DMD: variants seen among roughly 807,000 people sequenced by gnomAD.
The protein encoded by DMD is mutant dystrophin.
Under a neutral mutation model 330.1 loss-of-function variants are expected in DMD, and 63 were observed. The ratio of observed to expected loss-of-function variants is 0.19; its 90% confidence interval spans 0.16 to 0.24. DMD has a LOEUF of 0.24. Among genes scored for constraint, DMD ranks in the 10% least tolerant of loss-of-function variants. DMD has a pLI of 1.00. For synonymous variants in DMD, 1,223 were observed against 959.8 expected (o/e 1.27, Z -5.07); for missense variants, 3,344 against 2,684.1 (o/e 1.25, Z -5.43).
chrX:33,219,631 T>A (rs908395217), intron 1 of DMD, among the ~76,000 whole-genome samples: 1 of 110,829 alleles, frequency 9.0e-6, no homozygotes, highest in African/African-American at 3.3e-5. Flanking sequence ...TCAAAACTAA[T>A]TTGCCTGTGT....
At chrX:32,430,553 T>C (rs1196645679) in intron 29 of DMD, among the ~76,000 whole-genome samples, 1 of 111,924 alleles carries the variant, frequency 8.9e-6, no homozygotes, top group Non-Finnish European at 1.9e-5. Flanking sequence ...CTAATATTAT[T>C]ATTATTCTGT....
intron 55 of DMD, among the ~76,000 whole-genome samples, chrX:31,619,884 C>T (rs750127255): frequency 9.0e-6 from 1 of 111,576 alleles, no homozygotes; most frequent in South Asian, 3.8e-4. Context: ...CACTTAAAAT[C>T]AAATAGCTAA....
intron 17 of DMD, among the ~76,000 whole-genome samples, 169 bp from the exon 18 acceptor site, chrX:32,518,300 T>A (rs1299609741): frequency 1.8e-5 from 2 of 111,109 alleles, no homozygotes; most frequent in Non-Finnish European, 3.8e-5. Flanking sequence ...AGACTCAAAT[T>A]TGGAGTCAGC....
intron 43 of DMD, among the ~76,000 whole-genome samples, chrX:32,225,849 T>C (rs911130737): frequency 1.9e-4 from 21 of 110,889 alleles, no homozygotes; most frequent in Non-Finnish European, 3.2e-4. Flanking sequence ...CTGTAGAGCC[T>C]GCAGAATCGT....
At chrX:31,673,277 C>T in intron 53 of DMD, among the ~76,000 whole-genome samples, 1 of 112,063 alleles carries the variant, frequency 8.9e-6, no homozygotes, top group Non-Finnish European at 1.9e-5. Context: ...GTCAGCATTT[C>T]AAAAATTGTT....
At chrX:32,032,652 C>A (rs1310913521) in intron 44 of DMD, among the ~76,000 whole-genome samples, 1 of 111,974 alleles carries the variant, frequency 8.9e-6, no homozygotes, top group Non-Finnish European at 1.9e-5. Flanking sequence ...TAGACCTTAA[C>A]AAGTAGGGTC....
chrX:33,229,498 T>C (rs145335648), intron 1 of DMD, among the ~76,000 whole-genome samples: 2,071 of 111,679 alleles, frequency 0.019, 22 homozygotes, highest in Middle Eastern at 0.055. Context: ...GAAAAGGCTA[T>C]AGAAATGGAA....
intron 21 of DMD, among the ~76,000 whole-genome samples, chrX:32,479,196 G>A (rs2041561756): frequency 9.0e-6 from 1 of 111,336 alleles, no homozygotes; most frequent in Admixed American, 9.6e-5. Flanking sequence ...GGGGTATCAT[G>A]TGATGTTTTG....
intron 1 of DMD, among the ~76,000 whole-genome samples, chrX:33,098,944 T>A (rs1167084432): frequency 9.0e-6 from 1 of 111,716 alleles, no homozygotes; most frequent in Non-Finnish European, 1.9e-5. Context: ...CACAAGTTAC[T>A]TGCTGAGAAA....
At chrX:31,138,351 G>C (rs1386790908) in intron 76 of DMD, among the ~76,000 whole-genome samples, 1 of 111,535 alleles carries the variant, frequency 9.0e-6, no homozygotes, top group Non-Finnish European at 1.9e-5. Flanking sequence ...AGCAACAGCT[G>C]ACTGATACAC....
At chrX:33,324,897 A>T (rs902978835) in intron 1 of DMD, among the ~76,000 whole-genome samples, 2 of 111,586 alleles carry the variant, frequency 1.8e-5, no homozygotes, top group Non-Finnish European at 3.8e-5. Context: ...TTGTGGTTAT[A>T]TCTTCCACCT....
At chrX:31,177,792 C>G in intron 71 of DMD, 140 bp downstream of exon 71, 4 of 551,227 alleles carry the variant, frequency 7.3e-6, no homozygotes, top group Non-Finnish European at 5.9e-6. Context: ...AAAAAAAAAA[C>G]TGAAATGAAG....
At chrX:31,482,902 T>C (rs1219852449) in intron 57 of DMD, among the ~76,000 whole-genome samples, 1 of 110,666 alleles carries the variant, frequency 9.0e-6, no homozygotes, top group African/African-American at 3.3e-5. Flanking sequence ...ACTTTCGATG[T>C]TAAAACCAGA....
At chrX:33,278,650 CA>C (rs1360185695) in intron 1 of DMD, among the ~76,000 whole-genome samples, 1 of 111,440 alleles carries the variant, frequency 9.0e-6, no homozygotes, top group African/African-American at 3.3e-5. Flanking sequence ...CATCCCAGTG[CA>C]TATGATTTTT....
chrX:32,610,099 A>G (rs751512916), intron 12 of DMD, among the ~76,000 whole-genome samples: 3 of 111,616 alleles, frequency 2.7e-5, no homozygotes, highest in African/African-American at 9.7e-5. Flanking sequence ...ATTCTTTGTC[A>G]ACATCACTAA....
At chrX:32,528,263 T>A (rs1234289153) in intron 17 of DMD, among the ~76,000 whole-genome samples, 1 of 110,703 alleles carries the variant, frequency 9.0e-6, no homozygotes, top group Non-Finnish European at 1.9e-5. Context: ...GAGCCAAGAT[T>A]GTGCCACTAC....
chrX:32,692,875 A>C (rs1458652422), intron 9 of DMD, among the ~76,000 whole-genome samples: 1 of 111,814 alleles, frequency 8.9e-6, no homozygotes, highest in Non-Finnish European at 1.9e-5. Context: ...CCGGGTTTTG[A>C]GAACTTACAA....
intron 44 of DMD, among the ~76,000 whole-genome samples, chrX:32,137,246 T>C (rs1218585363): frequency 9.0e-6 from 1 of 111,361 alleles, no homozygotes; most frequent in South Asian, 3.8e-4. Flanking sequence ...GCAAACCACA[T>C]AGTTGGTGCC....
intron 1 of DMD, among the ~76,000 whole-genome samples, chrX:33,301,352 A>T (rs1479218732): frequency 9.2e-6 from 1 of 108,747 alleles, no homozygotes; most frequent in Admixed American, 1.0e-4. Context: ...GGCTCTCTAC[A>T]TAATGCTTAG....
Sources: gnomAD v4.1 joint callset for allele counts (sites outside exome capture counted in the v4.1 genomes callset) on GRCh38, gnomAD v4.1.1 for gene constraint, MANE v1.5 for transcripts, NCBI Gene and HGNC (gene_info 2026-07-23, HGNC 2026-07-21) for gene names.